Variants in SUCLG2 observed in about 807,000 individuals in gnomAD.
SUCLG2 encodes succinate--CoA ligase [GDP-forming] subunit beta, mitochondrial.
A neutral mutation model predicts 47.9 loss-of-function variants in SUCLG2; 42 were observed. The observed-to-expected ratio is 0.88, with a 90% confidence interval of 0.69 to 1.14. The LOEUF (loss-of-function observed/expected upper bound fraction) is 1.14. SUCLG2 is among the 50% of genes most tolerant of loss of function. The probability of loss-of-function intolerance (pLI) is 0.00; values close to 1 mark genes in which losing one functional copy is unlikely to be tolerated. For synonymous variants in SUCLG2, 195 were observed against 197.3 expected (o/e 0.99, Z 0.10); for missense variants, 571 against 525.9 (o/e 1.09, Z -0.84).
intron 7 of SUCLG2, among the ~76,000 whole-genome samples, chr3:67,501,909 A>G (rs1252486856): frequency 6.6e-6 from 1 of 152,160 alleles, no homozygotes; most frequent in Non-Finnish European, 1.5e-5. Context: ...TAAAAAAATA[A>G]GATAAAAAAT....
intron 2 of SUCLG2, among the ~76,000 whole-genome samples, chr3:67,571,504 T>C (rs955660098): frequency 2.0e-5 from 3 of 152,236 alleles, no homozygotes; most frequent in Non-Finnish European, 2.9e-5. Flanking sequence ...AAAACACTTC[T>C]GTTTAATGTC....
At chr3:67,495,739 G>A in intron 9 of SUCLG2, 59 bp downstream of exon 9, 2 of 1,600,486 alleles carry the variant, frequency 1.2e-6, no homozygotes, top group South Asian at 1.1e-5. Flanking sequence ...GAACAAGTGA[G>A]CTCTTGACGG....
chr3:67,620,305 C>A (rs753412062), intron 1 of SUCLG2, among the ~76,000 whole-genome samples: 1 of 136,436 alleles, frequency 7.3e-6, no homozygotes, highest in Non-Finnish European at 1.6e-5. Context: ...ATGATGAGGC[C>A]GGGTGCAGTG....
chr3:67,640,024 A>G (rs527761811), intron 1 of SUCLG2, among the ~76,000 whole-genome samples: 39 of 152,344 alleles, frequency 2.6e-4, no homozygotes, highest in South Asian at 1.9e-3. Context: ...GTAGAAGGAG[A>G]TAGCATAATT....
chr3:67,541,415 G>A (rs1038063823), intron 2 of SUCLG2, among the ~76,000 whole-genome samples: 7 of 152,132 alleles, frequency 4.6e-5, no homozygotes, highest in African/African-American at 1.7e-4. Context: ...GATCGATCAA[G>A]TGGAAGAAAG....
intron 9 of SUCLG2, among the ~76,000 whole-genome samples, chr3:67,415,656 A>G (rs916366639): frequency 6.6e-6 from 1 of 152,232 alleles, no homozygotes; most frequent in Non-Finnish European, 1.5e-5. Flanking sequence ...AATCCTTGGC[A>G]TAGCCTAAAA....
At chr3:67,411,036 G>A (rs755862355) in intron 9 of SUCLG2, among the ~76,000 whole-genome samples, 2 of 152,098 alleles carry the variant, frequency 1.3e-5, no homozygotes, top group Non-Finnish European at 2.9e-5. Flanking sequence ...ATTTGTTGGA[G>A]AGTTAATATA....
chr3:67,476,670 C>A (rs1704768149), intron 9 of SUCLG2, among the ~76,000 whole-genome samples: 1 of 152,160 alleles, frequency 6.6e-6, no homozygotes, highest in East Asian at 1.9e-4. Context: ...TCCATGAAAC[C>A]AGTCCCTGGT....
chr3:67,366,824 CA>C (rs1297769735), intron 10 of SUCLG2, among the ~76,000 whole-genome samples: 1 of 152,130 alleles, frequency 6.6e-6, no homozygotes, highest in Non-Finnish European at 1.5e-5. Flanking sequence ...TGCCTTTAAC[CA>C]GCCATGTTTT....
intron 2 of SUCLG2, among the ~76,000 whole-genome samples, chr3:67,574,956 C>T (rs571861076): frequency 6.6e-6 from 1 of 152,284 alleles, no homozygotes; most frequent in South Asian, 2.1e-4. Context: ...AAAAGATATT[C>T]AACTGCATTA....
At chr3:67,622,762 G>A (rs950195289) in intron 1 of SUCLG2, among the ~76,000 whole-genome samples, 2 of 152,220 alleles carry the variant, frequency 1.3e-5, no homozygotes, top group South Asian at 2.1e-4. Context: ...AAGGAAACCT[G>A]AGATTATGAC....
chr3:67,441,381 A>C (rs1703760093), intron 9 of SUCLG2, among the ~76,000 whole-genome samples: 1 of 150,208 alleles, frequency 6.7e-6, no homozygotes, highest in Non-Finnish European at 1.5e-5. Flanking sequence ...AAAAAAAAAG[A>C]CTGTGGCTTC....
chr3:67,651,349 T>G (rs562962258), intron 1 of SUCLG2, among the ~76,000 whole-genome samples: 1 of 152,294 alleles, frequency 6.6e-6, no homozygotes, highest in South Asian at 2.1e-4. Context: ...TACCTAGACA[T>G]GCCCAGCTCA....
chr3:67,642,358 A>C (rs1283099982), intron 1 of SUCLG2, among the ~76,000 whole-genome samples: 1 of 152,190 alleles, frequency 6.6e-6, no homozygotes, highest in East Asian at 1.9e-4. Context: ...TAATCTCAGC[A>C]CTTTAGGAGG....
At chr3:67,395,631 C>T (rs549024249) in intron 10 of SUCLG2, among the ~76,000 whole-genome samples, 2 of 152,064 alleles carry the variant, frequency 1.3e-5, no homozygotes, top group African/African-American at 4.8e-5. Flanking sequence ...AAGTTAACAA[C>T]GATACCCAGG....
intron 1 of SUCLG2, among the ~76,000 whole-genome samples, chr3:67,645,938 C>A (rs996987966): frequency 2.0e-5 from 3 of 151,172 alleles, no homozygotes; most frequent in African/African-American, 7.3e-5. Context: ...AAAAATAGTT[C>A]CTTATAAAAA....
intron 9 of SUCLG2, among the ~76,000 whole-genome samples, chr3:67,412,080 C>T (rs9879429): frequency 0.077 from 11,715 of 152,180 alleles, 505 homozygotes; most frequent in African/African-American, 0.11. Context: ...AGACAATATT[C>T]TAAAATTACT....
chr3:67,568,324 T>C (rs1199311164), intron 2 of SUCLG2, among the ~76,000 whole-genome samples: 1 of 152,116 alleles, frequency 6.6e-6, no homozygotes, highest in Non-Finnish European at 1.5e-5. Context: ...CGAATAGATT[T>C]TAAAGTAGCA....
chr3:67,375,573 G>C lies in SUCLG2; in HGVS notation c.*171C>G. ...TTTATAAAGACCAAAATCAGATTTA[G>C]GCTGTCTAGATATCTTATTCCAGAA... On this transcript the variant is annotated 3_prime_UTR_variant, in exon 11 of 11. Coordinates refer to ENST00000307227, the MANE Select transcript of SUCLG2 (RefSeq NM_003848.4). 2 of 1,410,524 alleles carry C rather than the reference G, an allele frequency of 1.4e-6. No homozygotes were observed. 87.4% of individuals were successfully genotyped at this position (1,410,524 alleles called of 1,614,324 possible). A position where few individuals can be genotyped will look rare whatever the true frequency, so the allele number is the denominator to read the frequency against.
Sources: allele counts gnomAD v4.1 joint callset (sites outside exome capture counted in the v4.1 genomes callset), GRCh38; gene constraint gnomAD v4.1.1; transcripts MANE v1.5; gene names NCBI Gene and HGNC (gene_info 2026-07-23, HGNC 2026-07-21).